The following ADAMTS20 variants were observed in gnomAD, a reference collection of about 807,000 sequenced individuals.
ADAMTS20 encodes A disintegrin and metalloproteinase with thrombospondin motifs 20.
Under a neutral mutation model 260.1 loss-of-function variants are expected in ADAMTS20, and 225 were observed. That is an observed-to-expected ratio of 0.87 (90% confidence interval 0.78 to 0.97). The LOEUF (loss-of-function observed/expected upper bound fraction) is 0.97, where lower values mean the gene tolerates loss of function less well. ADAMTS20 is among the 50% of genes least tolerant of loss of function. The pLI is 0.00. For synonymous variants in ADAMTS20, 802 were observed against 769.5 expected, an observed-to-expected ratio of 1.04 and a Z score of -0.70; for missense variants, 2,400 against 2,337.7, an observed-to-expected ratio of 1.03 and a Z score of -0.55.
At chr12:43,497,550 T>C (rs894149373) in intron 4 of ADAMTS20, among the ~76,000 whole-genome samples, 2 of 152,110 alleles carry the variant, frequency 1.3e-5, no homozygotes, top group Non-Finnish European at 2.9e-5. Flanking sequence ...ACAAAGCGAA[T>C]ATGTGCAAAT....
rs1198759318 is a variant in ADAMTS20, at chr12:43,501,473, G to GCACACACACA, written c.867+678_867+679insTGTGTGTGTG. 7.5e-3 allele frequency among the ~76,000 whole-genome samples: 417 copies of GCACACACACA among 55,520 alleles called. 1 individual carries two copies. Among genetic ancestry groups the GCACACACACA allele is most frequent in the Middle Eastern group, 0.022 (2 of 90 alleles). The allele number at this position is 55,520 out of a possible 152,430, so 36.4% of individuals were successfully genotyped here. On this transcript the variant is annotated intron_variant, in intron 4 of 38. Transcript: ENST00000389420. ...GGTGGAGGGGGATACGCGCGCGCGC[G>GCACACACACA]CGCGCGCGCACACACACACACACAC...
chr12:43,498,852 A>C (rs1237032397), intron 4 of ADAMTS20, among the ~76,000 whole-genome samples: 1 of 152,204 alleles, frequency 6.6e-6, no homozygotes, highest in Non-Finnish European at 1.5e-5. Context: ...CAGGTAAAAC[A>C]GGGAGAGTTT....
intron 38 of ADAMTS20, among the ~76,000 whole-genome samples, chr12:43,355,082 A>T (rs556929918): frequency 1.3e-5 from 2 of 152,234 alleles, no homozygotes; most frequent in South Asian, 4.1e-4. Context: ...TTTAAATCTA[A>T]GGGAGTAAAG....
At chr12:43,514,432 C>T (rs990521135) in intron 3 of ADAMTS20, among the ~76,000 whole-genome samples, 5 of 151,510 alleles carry the variant, frequency 3.3e-5, no homozygotes, top group East Asian at 2.0e-4. Context: ...TGTAGTGGCG[C>T]GTGCCTGTAA....
intron 29 of ADAMTS20, among the ~76,000 whole-genome samples, chr12:43,386,581 T>C (rs557396584): frequency 6.6e-6 from 1 of 152,314 alleles, no homozygotes; most frequent in African/African-American, 2.4e-5. Context: ...AAAGAGTGCT[T>C]TCCAACTTGG....
intron 2 of ADAMTS20, among the ~76,000 whole-genome samples, chr12:43,545,427 T>G (rs932937245): frequency 3.3e-5 from 5 of 152,232 alleles, no homozygotes; most frequent in African/African-American, 1.2e-4. Flanking sequence ...ATATCCATTT[T>G]TATTCATTCC....
At chr12:43,536,493 G>A (rs1228631706) in intron 2 of ADAMTS20, among the ~76,000 whole-genome samples, 1 of 135,142 alleles carries the variant, frequency 7.4e-6, no homozygotes, top group Admixed American at 7.2e-5. Context: ...AATAGAATAT[G>A]CAATAAGTGC....
At chr12:43,474,098 T>C (rs539138515) in intron 7 of ADAMTS20, among the ~76,000 whole-genome samples, 1 of 151,460 alleles carries the variant, frequency 6.6e-6, no homozygotes, top group Admixed American at 6.6e-5. Context: ...CTAGCAAGAC[T>C]AATAAAGAAA....
intron 11 of ADAMTS20, among the ~76,000 whole-genome samples, chr12:43,454,907 T>G (rs1259567636): frequency 6.6e-6 from 1 of 152,182 alleles, no homozygotes; most frequent in East Asian, 1.9e-4. Flanking sequence ...TGGCAAAACA[T>G]GCATAACATA....
chr12:43,365,373 T>C (rs1039010177), intron 37 of ADAMTS20, among the ~76,000 whole-genome samples: 1 of 152,082 alleles, frequency 6.6e-6, no homozygotes, highest in Non-Finnish European at 1.5e-5. Flanking sequence ...TATAATTGCA[T>C]ATCTCTTCAC....
intron 7 of ADAMTS20, among the ~76,000 whole-genome samples, chr12:43,486,339 ATT>A (rs1251932363): frequency 1.3e-5 from 2 of 152,150 alleles, no homozygotes; most frequent in Non-Finnish European, 2.9e-5. Flanking sequence ...AGAATACCCT[ATT>A]TAATAAATGG....
rs1419049395 is a variant in ADAMTS20, at chr12:43,358,543, A to T, written c.5539-1955T>A. ...GTTAAGTGAAATAGCATATGTACCT[A>T]AAAAAAGTAATTCGGACGGGCGCGG... On this transcript the variant is annotated intron_variant, in intron 37 of 38. Transcript: ENST00000389420. Among the ~76,000 whole-genome samples the T allele has an allele frequency of 2.6e-5, 4 of 152,280 alleles. No homozygotes were observed. In the East Asian group the frequency reaches 5.8e-4, roughly 22 times the overall value.
In ADAMTS20 at chr12:43,538,420, C is replaced by T. The variant is rs535965167; in HGVS notation, c.454-6225G>A. ...CTCCTTATATATTCTGGTTATTAAT[C>T]CTTTCCCAAATGGGTAGTTGCAAAT... is the stretch of plus-strand genomic sequence containing the variant. On this transcript the variant is annotated intron_variant, in intron 2 of 38. Coordinates refer to ENST00000389420, the MANE Select transcript of ADAMTS20 (RefSeq NM_025003.5). Among the ~76,000 whole-genome samples, 18 of 152,320 alleles carry T rather than the reference C, an allele frequency of 1.2e-4. No homozygotes were observed. In the South Asian group the frequency reaches 3.7e-3, roughly 32 times the overall value.
chr12:43,444,017 G>T, intron 15 of ADAMTS20, 134 bp from the exon 16 acceptor site: 1 of 639,954 alleles, frequency 1.6e-6, no homozygotes, highest in Non-Finnish European at 2.7e-6. Flanking sequence ...ATTACACAGT[G>T]GTTATTCTTT....
chr12:43,425,442 A>G (rs1565691486), intron 28 of ADAMTS20, 72 bp downstream of exon 28: 19 of 1,263,488 alleles, frequency 1.5e-5, no homozygotes, highest in Non-Finnish European at 1.9e-5. Flanking sequence ...GAAAAGAAAA[A>G]CAATGAACTC....
intron 3 of ADAMTS20, among the ~76,000 whole-genome samples, chr12:43,531,637 A>T (rs1286399661): frequency 6.6e-6 from 1 of 152,114 alleles, no homozygotes; most frequent in Non-Finnish European, 1.5e-5. Flanking sequence ...CTACAGTTGC[A>T]GGCGGGAAGG....
At chr12:43,406,378 A>G (rs981022977) in intron 28 of ADAMTS20, among the ~76,000 whole-genome samples, 2 of 152,142 alleles carry the variant, frequency 1.3e-5, no homozygotes, top group African/African-American at 2.4e-5. Flanking sequence ...TTTTTAATAA[A>G]AAACATATTA....
chr12:43,397,625 T>C (rs1402620423), intron 29 of ADAMTS20, among the ~76,000 whole-genome samples: 1 of 152,038 alleles, frequency 6.6e-6, no homozygotes, highest in Non-Finnish European at 1.5e-5. Context: ...TAGTAGAGAG[T>C]AGTGACATTT....
At chr12:43,447,089 G>A (rs10880496) in intron 14 of ADAMTS20, among the ~76,000 whole-genome samples, 48,742 of 151,596 alleles carry the variant, frequency 0.32, 8,487 homozygotes, top group East Asian at 0.75. Flanking sequence ...CATTCCTACT[G>A]AAACTATTTA....
Sources: allele counts gnomAD v4.1 joint callset (sites outside exome capture counted in the v4.1 genomes callset), GRCh38; gene constraint gnomAD v4.1.1; transcripts MANE v1.5; gene names NCBI Gene and HGNC (gene_info 2026-07-23, HGNC 2026-07-21).